The following C9orf85 variants were observed in gnomAD, a reference collection of about 807,000 sequenced individuals.
The protein encoded by C9orf85 is uncharacterized protein C9orf85.
Under a neutral mutation model 14.9 loss-of-function variants are expected in C9orf85, and 16 were observed. The ratio of observed to expected loss-of-function variants is 1.08; its 90% CI spans 0.73 to 1.63. The LOEUF is 1.63. Among genes scored for constraint, C9orf85 ranks in the 40% most tolerant of loss-of-function variants. The pLI is 0.00. For missense variants in C9orf85, 172 were observed against 186.1 expected, an observed-to-expected ratio of 0.92 and a Z score of 0.44; for synonymous variants, 45 against 56.8, an observed-to-expected ratio of 0.79 and a Z score of 0.93.
rs907162677 is a variant in C9orf85 at position 71,966,179 on chromosome 9, C to A, written c.210-5326C>A. Among the ~76,000 whole-genome samples, 6 of 152,276 alleles carry A rather than the reference C, an allele frequency of 3.9e-5. No individual in the cohort carries two copies. The East Asian group carries it at 7.7e-4, about 20-fold the overall frequency. On this transcript the variant is annotated intron_variant, in intron 2 of 3. Transcript: ENST00000334731. The stretch of plus-strand genomic sequence containing the variant: ...CTTCCTATTTCTGTACTGCACTTTA[C>A]TTTTTTTGTCTATAAATTTGTTCTG...
At chr9:71,980,017 T>C (rs913278289) in intron 3 of C9orf85, among the ~76,000 whole-genome samples, 9 of 192 alleles carry the variant, frequency 0.047, no homozygotes, top group Non-Finnish European at 0.44. Flanking sequence ...TTCTTTTTTC[T>C]TTTTTTTTTT....
intron 1 of C9orf85, among the ~76,000 whole-genome samples, chr9:71,926,676 A>G (rs1028537606): frequency 6.6e-6 from 1 of 151,374 alleles, no homozygotes; most frequent in Admixed American, 6.6e-5. Flanking sequence ...ATTGCTTAAA[A>G]ACTACCACTG....
downstream of C9orf85, among the ~76,000 whole-genome samples, chr9:71,975,522 A>G (rs1822983557): frequency 6.6e-6 from 1 of 151,862 alleles, no homozygotes; most frequent in East Asian, 1.9e-4. Context: ...TTCTAAACAT[A>G]TAGCCTGACT....
At chr9:71,970,899 G>A (rs979048598) in intron 2 of C9orf85, among the ~76,000 whole-genome samples, 1 of 150,964 alleles carries the variant, frequency 6.6e-6, no homozygotes, top group African/African-American at 2.4e-5. Flanking sequence ...CATCTCCCAG[G>A]CATGCCACCA....
chr9:71,976,254 AC>A (rs1822993163), downstream of C9orf85, among the ~76,000 whole-genome samples: 1 of 152,210 alleles, frequency 6.6e-6, no homozygotes, highest in African/African-American at 2.4e-5. Context: ...AATTTGTTGC[AC>A]CTTGATATCT....
chr9:71,984,717 G>C (rs1385598361), downstream of C9orf85: 12 of 152,432 alleles, frequency 7.9e-5, 1 homozygote, highest in African/African-American at 2.9e-4. Flanking sequence ...GGCCACAACT[G>C]TTGGAGACAA....
intron 3 of C9orf85, among the ~76,000 whole-genome samples, chr9:71,980,637 C>A (rs1823082767): frequency 6.6e-6 from 1 of 152,096 alleles, no homozygotes; most frequent in Non-Finnish European, 1.5e-5. Context: ...GCAATAGGTC[C>A]AACTGTGACT....
chr9:71,977,705 A>T (rs1052578449), downstream of C9orf85, among the ~76,000 whole-genome samples: 8 of 152,102 alleles, frequency 5.3e-5, no homozygotes, highest in Admixed American at 5.2e-4. Context: ...TCCTTGTAAC[A>T]TTAATCCTGT....
In C9orf85 at chr9:71,917,872, GCAAA is replaced by G. The variant is rs1041054343; in HGVS notation, c.102+6049_102+6052del. On this transcript the variant is annotated intron_variant, in intron 1 of 3. Transcript: ENST00000334731. ...TAAATTTTACCTCAGTCAAAAATAG[GCAAA>G]CAAACAAACAAAGAAAACCAAGAAG... 5.3e-5 allele frequency among the ~76,000 whole-genome samples: 8 copies of G among 152,196 alleles called. No individual in the cohort carries two copies. The East Asian group carries it at 5.8e-4, about 11-fold the overall frequency.
chr9:71,984,856 T>G (rs1275014755), downstream of C9orf85: 1 of 152,252 alleles, frequency 6.6e-6, no homozygotes, highest in Non-Finnish European at 1.5e-5. Flanking sequence ...GATAAACTAC[T>G]GGCCAGGGTG....
downstream of C9orf85, among the ~76,000 whole-genome samples, chr9:71,977,555 A>G (rs1823027892): frequency 6.6e-6 from 1 of 152,266 alleles, no homozygotes; most frequent in South Asian, 2.1e-4. Flanking sequence ...GTAAAATTAA[A>G]ACTGATAGAT....
At chr9:71,931,225 G>A (rs1404152330) in intron 1 of C9orf85, among the ~76,000 whole-genome samples, 1 of 152,146 alleles carries the variant, frequency 6.6e-6, no homozygotes, top group Non-Finnish European at 1.5e-5. Context: ...CGTGATTTTG[G>A]AAAAGCTTCT....
chr9:71,975,333 C>T (rs1554710014), downstream of C9orf85, among the ~76,000 whole-genome samples: 4 of 150,698 alleles, frequency 2.7e-5, no homozygotes, highest in South Asian at 2.1e-4. Context: ...CCCAGCTACT[C>T]CGGAGGCTGA....
At chr9:71,974,612 A>G (rs1218814721), downstream of C9orf85, among the ~76,000 whole-genome samples, 1 of 152,182 alleles carries the variant, frequency 6.6e-6, no homozygotes, top group East Asian at 1.9e-4. Flanking sequence ...CATCAATACT[A>G]GCATGAGCAT....
At chr9:71,985,060 G>A (rs905308901), downstream of C9orf85, 3 of 152,256 alleles carry the variant, frequency 2.0e-5, no homozygotes, top group Non-Finnish European at 4.4e-5. Flanking sequence ...TCCTCATCAA[G>A]TACTGGTCCT....
intron 1 of C9orf85, among the ~76,000 whole-genome samples, chr9:71,923,597 G>A (rs1564083350): frequency 6.6e-6 from 1 of 152,088 alleles, no homozygotes; most frequent in Non-Finnish European, 1.5e-5. Flanking sequence ...TGGAGCCTAT[G>A]TTTCATCAGT....
intron 1 of C9orf85, among the ~76,000 whole-genome samples, chr9:71,925,680 A>T (rs764248338): frequency 9.2e-5 from 14 of 152,238 alleles, no homozygotes; most frequent in Non-Finnish European, 1.6e-4. Context: ...TTAATCAGTC[A>T]GTAGCTTCTG....
intron 2 of C9orf85, among the ~76,000 whole-genome samples, chr9:71,963,411 C>G (rs1025562867): frequency 6.6e-6 from 1 of 152,256 alleles, no homozygotes; most frequent in South Asian, 2.1e-4. Context: ...CTCTCGGTGC[C>G]TCCTCTGCCT....
chr9:71,935,107 A>G (rs1213626506), intron 1 of C9orf85, among the ~76,000 whole-genome samples: 1 of 152,168 alleles, frequency 6.6e-6, no homozygotes, highest in Non-Finnish European at 1.5e-5. Context: ...ACAAACAGAA[A>G]GTAACATGTT....
Sources: gnomAD v4.1 joint callset for allele counts (sites outside exome capture counted in the v4.1 genomes callset) on GRCh38, gnomAD v4.1.1 for gene constraint, MANE v1.5 for transcripts, NCBI Gene and HGNC (gene_info 2026-07-23, HGNC 2026-07-21) for gene names.